SORCS3: variants seen among roughly 807,000 people sequenced by gnomAD.
SORCS3 encodes the protein sortilin related VPS10 domain containing receptor 3.
A neutral mutation model predicts 146.3 loss-of-function variants in SORCS3; 57 were observed. That is an observed-to-expected ratio of 0.39 (90% CI 0.31 to 0.49). The LOEUF (loss-of-function observed/expected upper bound fraction) is 0.49, where lower values mean the gene tolerates loss of function less well. Among genes scored for constraint, SORCS3 ranks in the 20% least tolerant of loss-of-function variants. The probability of loss-of-function intolerance (pLI) is 0.92; values close to 1 mark genes in which losing one functional copy is unlikely to be tolerated. For synonymous variants in SORCS3, 653 were observed against 618.5 expected (o/e 1.06, Z -0.83); for missense variants, 1,341 against 1,575.5 (o/e 0.85, Z 2.52).
Position 104,881,468 on chromosome 10 carries a change from A to T in SORCS3, c.696-34365A>T, listed in dbSNP as rs143510000. ...AACATTTTGATTGAACCGATGGAAC[A>T]TTTAAATGGAAATATTCAATTGCAA... On this transcript the variant is annotated intron_variant, in intron 2 of 26. Transcript: ENST00000369701. 5.9e-4 allele frequency among the ~76,000 whole-genome samples: 90 copies of T among 152,338 alleles called. 1 individual carries two copies. The East Asian group carries it at 0.017, about 28-fold the overall frequency.
chr10:104,729,325 G>C (rs1195153013), intron 1 of SORCS3, among the ~76,000 whole-genome samples: 1 of 152,180 alleles, frequency 6.6e-6, no homozygotes, highest in Non-Finnish European at 1.5e-5. Context: ...CTTTGGGCTG[G>C]ATCAGTTATT....
intron 3 of SORCS3, among the ~76,000 whole-genome samples, chr10:104,950,838 C>A (rs1038294362): frequency 6.6e-5 from 10 of 152,336 alleles, no homozygotes; most frequent in Admixed American, 5.2e-4. Context: ...TACACAAGAA[C>A]ATTGAAACAC....
intron 19 of SORCS3, among the ~76,000 whole-genome samples, chr10:105,218,571 C>T (rs1467547080): frequency 6.6e-6 from 1 of 152,170 alleles, no homozygotes; most frequent in African/African-American, 2.4e-5. Flanking sequence ...GTCAGAAGCA[C>T]CAGGTCAGAA....
chr10:105,190,087 A>G (rs988631621), intron 14 of SORCS3, among the ~76,000 whole-genome samples: 2 of 152,204 alleles, frequency 1.3e-5, no homozygotes, highest in Non-Finnish European at 2.9e-5. Context: ...AGAGCATCCC[A>G]TTGCCCATAC....
At chr10:105,025,230 G>T (rs751596380) in intron 4 of SORCS3, among the ~76,000 whole-genome samples, 32 of 152,134 alleles carry the variant, frequency 2.1e-4, no homozygotes, top group Non-Finnish European at 4.4e-4. Flanking sequence ...AGCTCTGTTG[G>T]TGTCTCTCCC....
At chr10:105,087,904 C>G (rs1057379253) in intron 5 of SORCS3, among the ~76,000 whole-genome samples, 1 of 152,174 alleles carries the variant, frequency 6.6e-6, no homozygotes, top group Admixed American at 6.5e-5. Flanking sequence ...TTTCATTGGT[C>G]TGGCGAAGAG....
chr10:105,165,446 G>A (rs540013159), intron 12 of SORCS3, among the ~76,000 whole-genome samples: 1 of 152,218 alleles, frequency 6.6e-6, no homozygotes, highest in South Asian at 2.1e-4. Flanking sequence ...CCTTAGTGAA[G>A]ATTGTCATCA....
At chr10:104,678,194 T>G (rs2133262644) in intron 1 of SORCS3, among the ~76,000 whole-genome samples, 1 of 132,130 alleles carries the variant, frequency 7.6e-6, no homozygotes, top group South Asian at 2.2e-4. Flanking sequence ...GAAGACATCT[T>G]TAGGCTTTAG....
At chr10:105,099,751 T>C (rs965755609) in intron 6 of SORCS3, among the ~76,000 whole-genome samples, 10 of 152,148 alleles carry the variant, frequency 6.6e-5, no homozygotes, top group Non-Finnish European at 8.8e-5. Flanking sequence ...TGAGCAGAAA[T>C]ACAGCCTCTT....
chr10:105,220,409 G>A (rs2056694069), intron 19 of SORCS3, among the ~76,000 whole-genome samples: 1 of 152,144 alleles, frequency 6.6e-6, no homozygotes, highest in South Asian at 2.1e-4. Context: ...TTGGGTATCA[G>A]AGGATCTGAC....
chr10:104,828,334 G>T (rs540378275), intron 1 of SORCS3, among the ~76,000 whole-genome samples: 5 of 152,130 alleles, frequency 3.3e-5, no homozygotes, highest in Admixed American at 2.6e-4. Context: ...CAGTATTGTT[G>T]TGTCTCAGAG....
At chr10:104,907,165 A>G (rs1011644819) in intron 2 of SORCS3, among the ~76,000 whole-genome samples, 14 of 148,080 alleles carry the variant, frequency 9.5e-5, no homozygotes, top group African/African-American at 1.3e-4. Context: ...AATACACTCT[A>G]TTTAGCCTTT....
intron 1 of SORCS3, among the ~76,000 whole-genome samples, chr10:104,779,695 T>G (rs529665095): frequency 1.8e-4 from 27 of 152,202 alleles, no homozygotes; most frequent in African/African-American, 5.8e-4. Flanking sequence ...TCTCCTGCCC[T>G]CTCCTTTTCC....
At chr10:105,149,703 C>A (rs1270645695) in intron 9 of SORCS3, among the ~76,000 whole-genome samples, 1 of 152,086 alleles carries the variant, frequency 6.6e-6, no homozygotes, top group Non-Finnish European at 1.5e-5. Flanking sequence ...CTGCAGATGA[C>A]CTTGCAGTCA....
chr10:104,799,786 C>T (rs1295008471), intron 1 of SORCS3, among the ~76,000 whole-genome samples: 4 of 152,040 alleles, frequency 2.6e-5, no homozygotes, highest in Admixed American at 6.5e-5. Context: ...CGCTATTCTC[C>T]TGCCTCAGCC....
chr10:105,242,714 AT>A (rs1436913236), intron 20 of SORCS3, among the ~76,000 whole-genome samples: 1 of 83,964 alleles, frequency 1.2e-5, no homozygotes, highest in African/African-American at 5.1e-5. Flanking sequence ...ATATTTATAT[AT>A]TTATATACAT....
Position 104,812,034 on chromosome 10 carries a change from G to C in SORCS3, c.628-30758G>C, listed in dbSNP as rs1034343972. Among the ~76,000 whole-genome samples, 14 of 152,156 alleles carry C rather than the reference G, an allele frequency of 9.2e-5. No individual in the cohort carries two copies. In the East Asian group the frequency reaches 2.5e-3, roughly 27 times the overall value. Reference sequence around the variant, plus strand: ...TTGACAACCTAGAAAAAACAAAGAGGAATGAATAAATGGAAATGCCAAAGA... The same window carrying C: ...TTGACAACCTAGAAAAAACAAAGAGCAATGAATAAATGGAAATGCCAAAGA... On this transcript the variant is annotated intron_variant, in intron 1 of 26. Coordinates refer to ENST00000369701, the MANE Select transcript of SORCS3 (RefSeq NM_014978.3).
At chr10:105,027,923 A>G (rs929127344) in intron 4 of SORCS3, among the ~76,000 whole-genome samples, 3 of 152,214 alleles carry the variant, frequency 2.0e-5, no homozygotes, top group African/African-American at 7.2e-5. Flanking sequence ...ATATGTATTT[A>G]AAACGTTATC....
At position 105,040,583 on chromosome 10, in the gene SORCS3, A is replaced by C. The variant is rs1044431308; in HGVS notation, c.955-2472A>C. On this transcript the variant is annotated intron_variant, in intron 4 of 26. Transcript: ENST00000369701. Reference sequence around the variant, plus strand: ...CCCTTGCCCCAATTTTCCCTTTGACATGGTGTGTCTGTAAGTGTATATGAA... The same window carrying C: ...CCCTTGCCCCAATTTTCCCTTTGACCTGGTGTGTCTGTAAGTGTATATGAA... Among the ~76,000 whole-genome samples the C allele has an allele frequency of 1.3e-5, 2 of 152,074 alleles. 1 individual carries two copies. Among genetic ancestry groups the C allele is most frequent in the South Asian group, 4.1e-4 (2 of 4,822 alleles).
Sources: allele counts gnomAD v4.1 joint callset (sites outside exome capture counted in the v4.1 genomes callset), GRCh38; gene constraint gnomAD v4.1.1; transcripts MANE v1.5; gene names NCBI Gene and HGNC (gene_info 2026-07-23, HGNC 2026-07-21).